Variants in IGF1R observed in about 807,000 individuals in gnomAD.
IGF1R encodes the protein insulin like growth factor 1 receptor.
A neutral mutation model predicts 144.6 loss-of-function variants in IGF1R; 44 were observed. The ratio of observed to expected loss-of-function variants is 0.30; its 90% CI spans 0.24 to 0.39. The LOEUF (loss-of-function observed/expected upper bound fraction) is 0.39, where lower values mean the gene tolerates loss of function less well. IGF1R is among the 10% of genes least tolerant of loss of function. The probability of loss-of-function intolerance (pLI) is 1.00; values close to 1 mark genes in which losing one functional copy is unlikely to be tolerated. For missense variants in IGF1R, 1,355 were observed against 1,833.7 expected (o/e 0.74, Z 4.77); for synonymous variants, 795 against 722.8 (o/e 1.10, Z -1.60).
chr15:98,913,297 A>G lies in IGF1R; in HGVS notation c.1828+15A>G, dbSNP rs2015104799. 1 of 1,595,960 alleles carries G rather than the reference A, an allele frequency of 6.3e-7. No individual in the cohort carries two copies. On this transcript the variant is annotated intron_variant, in intron 8 of 20. Transcript: ENST00000650285. ...CAATGCTTCAGGTATCCATGCCTAG[A>G]CAAGCCCCCAGCATCCACACTTCTT...
intron 2 of IGF1R, among the ~76,000 whole-genome samples, chr15:98,768,934 AACAACAACAACAACAAC>A: frequency 1.9e-5 from 1 of 53,170 alleles, no homozygotes; most frequent in East Asian, 4.6e-4. Context: ...TCTCAAAAAC[AACAACAACAACAACAAC>A]AACAACAACA....
chr15:98,668,601 A>G (rs904601522), intron 1 of IGF1R, among the ~76,000 whole-genome samples: 19 of 152,202 alleles, frequency 1.2e-4, no homozygotes, highest in African/African-American at 4.6e-4. Context: ...ATATGACCCC[A>G]TTTCTCTCAT....
At chr15:98,758,220 T>A (rs75289924) in intron 2 of IGF1R, among the ~76,000 whole-genome samples, 14 of 150,742 alleles carry the variant, frequency 9.3e-5, no homozygotes, top group East Asian at 4.0e-4. Flanking sequence ...TTTTTTTTTT[T>A]AATTCCTGAA....
intron 12 of IGF1R, among the ~76,000 whole-genome samples, chr15:98,924,246 A>G (rs2015613983): frequency 6.6e-6 from 1 of 152,282 alleles, no homozygotes; most frequent in Non-Finnish European, 1.5e-5. Flanking sequence ...ATTGTGTAAG[A>G]TAACCTTGTG....
chr15:98,901,788 C>T (rs537864827), intron 5 of IGF1R, among the ~76,000 whole-genome samples: 7 of 152,200 alleles, frequency 4.6e-5, no homozygotes, highest in Admixed American at 1.3e-4. Flanking sequence ...TGAAGGCTTT[C>T]GGGAAAAACT....
At chr15:98,932,981 A>T (rs113291212) in intron 15 of IGF1R, among the ~76,000 whole-genome samples, 1,633 of 152,300 alleles carry the variant, frequency 0.011, 26 homozygotes, top group African/African-American at 0.037. Context: ...AGATGTTAGG[A>T]TACAGTTGTC....
At chr15:98,953,463 A>G (rs1322205482) in intron 20 of IGF1R, among the ~76,000 whole-genome samples, 1 of 152,178 alleles carries the variant, frequency 6.6e-6, no homozygotes, top group Non-Finnish European at 1.5e-5. Flanking sequence ...TATTTATGCC[A>G]CAGATACTGT....
intron 2 of IGF1R, among the ~76,000 whole-genome samples, chr15:98,779,742 G>C (rs921284376): frequency 6.6e-5 from 10 of 152,192 alleles, no homozygotes; most frequent in African/African-American, 2.2e-4. Context: ...GCGGGGAGCC[G>C]AGTCCGAGGC....
intron 20 of IGF1R, among the ~76,000 whole-genome samples, chr15:98,950,048 T>C: frequency 6.6e-6 from 1 of 152,202 alleles, no homozygotes; most frequent in Non-Finnish European, 1.5e-5. Context: ...AACAGGAAGG[T>C]GGGCTCCCAC....
At chr15:98,726,164 C>T (rs1277944674) in intron 2 of IGF1R, among the ~76,000 whole-genome samples, 7 of 152,182 alleles carry the variant, frequency 4.6e-5, no homozygotes, top group Non-Finnish European at 7.3e-5. Flanking sequence ...TATTACTGTT[C>T]CATTTTTTGT....
intron 2 of IGF1R, among the ~76,000 whole-genome samples, chr15:98,840,941 A>G (rs1449153108): frequency 6.6e-6 from 1 of 152,074 alleles, no homozygotes; most frequent in Non-Finnish European, 1.5e-5. Flanking sequence ...TCGGCCTCCC[A>G]AAGTGCTGGG....
chr15:98,811,729 A>C (rs1199519880), intron 2 of IGF1R, among the ~76,000 whole-genome samples: 1 of 151,974 alleles, frequency 6.6e-6, no homozygotes, highest in Non-Finnish European at 1.5e-5. Context: ...GATCCAGACC[A>C]TCCTGGCTAA....
intron 1 of IGF1R, among the ~76,000 whole-genome samples, chr15:98,689,527 A>G (rs114190951): frequency 1.1e-4 from 16 of 141,116 alleles, no homozygotes; most frequent in Admixed American, 9.1e-4. Context: ...GTGCTCAGCC[A>G]GTTGCACTAC....
chr15:98,823,442 G>A (rs1252790438), intron 2 of IGF1R, among the ~76,000 whole-genome samples: 1 of 152,226 alleles, frequency 6.6e-6, no homozygotes, highest in African/African-American at 2.4e-5. Flanking sequence ...GAGGACAGAT[G>A]CAAAACAGTT....
chr15:98,759,069 C>T (rs1202246617), intron 2 of IGF1R, among the ~76,000 whole-genome samples: 1 of 152,176 alleles, frequency 6.6e-6, no homozygotes, highest in Non-Finnish European at 1.5e-5. Flanking sequence ...GAGTCCTCAT[C>T]CTCTGTCTCC....
In IGF1R at chr15:98,679,679, G is replaced by A. The variant is rs546828006; in HGVS notation, c.95-27883G>A. ...TACTGGTGTATGTATTTACTATGCT[G>A]TACTTTTAATTGTTAGAGTGTACTC... On this transcript the variant is annotated intron_variant, in intron 1 of 20. Transcript: ENST00000650285. Among the ~76,000 whole-genome samples the A allele has an allele frequency of 2.2e-5, 3 of 135,768 alleles. No homozygotes were observed. The South Asian group carries it at 6.5e-4, about 29-fold the overall frequency. The allele number at this position is 135,768 out of a possible 152,430, so 89.1% of individuals were successfully genotyped here. A position where few individuals can be genotyped will look rare whatever the true frequency, so the allele number is the denominator to read the frequency against.
At chr15:98,716,316 C>T (rs1250224033) in intron 2 of IGF1R, among the ~76,000 whole-genome samples, 2 of 152,048 alleles carry the variant, frequency 1.3e-5, no homozygotes, top group Non-Finnish European at 1.5e-5. Flanking sequence ...TGGTCTCTCT[C>T]TCTGTCTCTC....
At chr15:98,934,671 G>A (rs2016075151) in intron 15 of IGF1R, among the ~76,000 whole-genome samples, 153 bp from the exon 16 acceptor site, 1 of 152,088 alleles carries the variant, frequency 6.6e-6, no homozygotes, top group East Asian at 1.9e-4. Context: ...ATAGCATGTG[G>A]AAAGTTGACA....
intron 10 of IGF1R, among the ~76,000 whole-genome samples, chr15:98,921,250 T>G (rs921035691): frequency 6.6e-6 from 1 of 152,184 alleles, no homozygotes; most frequent in Non-Finnish European, 1.5e-5. Context: ...CTGTAAACAT[T>G]AGAATTCTGT....
Sources: gnomAD v4.1 joint callset for allele counts (sites outside exome capture counted in the v4.1 genomes callset) on GRCh38, gnomAD v4.1.1 for gene constraint, MANE v1.5 for transcripts, NCBI Gene and HGNC (gene_info 2026-07-23, HGNC 2026-07-21) for gene names.